Variants in GALNTL6 observed in about 807,000 individuals in gnomAD.
GALNTL6 encodes the protein polypeptide N-acetylgalactosaminyltransferase-like 6.
Under a neutral mutation model 73.7 loss-of-function variants are expected in GALNTL6, and 46 were observed. The observed-to-expected ratio is 0.62, with a 90% CI of 0.49 to 0.80. The LOEUF (loss-of-function observed/expected upper bound fraction) is 0.80, where lower values mean the gene tolerates loss of function less well. Ranked by LOEUF, GALNTL6 falls within the 30% of genes least tolerant of loss-of-function variation. GALNTL6 has a pLI of 0.00. For synonymous variants in GALNTL6, 259 were observed against 263.7 expected, an observed-to-expected ratio of 0.98 and a Z score of 0.17; for missense variants, 604 against 755.0, an observed-to-expected ratio of 0.80 and a Z score of 2.34.
chr4:172,132,606 A>G (rs2071517995), intron 2 of GALNTL6, among the ~76,000 whole-genome samples: 1 of 152,130 alleles, frequency 6.6e-6, no homozygotes, highest in Non-Finnish European at 1.5e-5. Flanking sequence ...CATTACTTAA[A>G]TATATGTTAT....
At chr4:172,896,629 A>G (rs936706342) in intron 8 of GALNTL6, among the ~76,000 whole-genome samples, 1 of 152,108 alleles carries the variant, frequency 6.6e-6, no homozygotes, top group Admixed American at 6.5e-5. Flanking sequence ...AGGATCTGCT[A>G]TGGGCAGGAA....
At chr4:172,071,894 A>G (rs539967313) in intron 2 of GALNTL6, among the ~76,000 whole-genome samples, 1 of 152,294 alleles carries the variant, frequency 6.6e-6, no homozygotes, top group Non-Finnish European at 1.5e-5. Flanking sequence ...ATAGGAATGC[A>G]TATTTGGGCT....
chr4:171,908,759 G>A (rs996117230), intron 2 of GALNTL6, among the ~76,000 whole-genome samples: 10 of 150,894 alleles, frequency 6.6e-5, no homozygotes, highest in Admixed American at 1.3e-4. Context: ...GTCCAACAAC[G>A]ATAGACTGGA....
At chr4:172,120,890 C>T (rs191018481) in intron 2 of GALNTL6, among the ~76,000 whole-genome samples, 9 of 151,680 alleles carry the variant, frequency 5.9e-5, no homozygotes, top group Non-Finnish European at 1.3e-4. Flanking sequence ...GATAGGCAGG[C>T]CTAGTTTGCC....
chr4:172,803,683 G>C (rs1740791520), intron 5 of GALNTL6, among the ~76,000 whole-genome samples: 1 of 152,122 alleles, frequency 6.6e-6, no homozygotes, highest in African/African-American at 2.4e-5. Context: ...AGTTGCAAAA[G>C]GGTGACATTC....
intron 2 of GALNTL6, among the ~76,000 whole-genome samples, chr4:171,913,747 T>A (rs1166546553): frequency 6.6e-6 from 1 of 152,168 alleles, no homozygotes; most frequent in Admixed American, 6.5e-5. Context: ...AGAAATTAGG[T>A]GGTAATGAAA....
intron 5 of GALNTL6, among the ~76,000 whole-genome samples, chr4:172,360,578 G>A (rs568563647): frequency 2.0e-5 from 3 of 152,196 alleles, no homozygotes; most frequent in East Asian, 3.9e-4. Context: ...ATTTAGTAGT[G>A]ACCACAGAAC....
chr4:172,437,801 T>C (rs1731687212), intron 5 of GALNTL6, among the ~76,000 whole-genome samples: 1 of 152,102 alleles, frequency 6.6e-6, no homozygotes, highest in African/African-American at 2.4e-5. Flanking sequence ...CATCTTGTAG[T>C]ACCTCCTTCT....
At chr4:171,918,217 G>A (rs1737682589) in intron 2 of GALNTL6, among the ~76,000 whole-genome samples, 1 of 151,996 alleles carries the variant, frequency 6.6e-6, no homozygotes, top group South Asian at 2.1e-4. Flanking sequence ...AAATATACAT[G>A]AGAATAAAAA....
In GALNTL6 at chr4:172,043,195, G is replaced by T. The variant is rs557010247; in HGVS notation, c.139-186461G>T. Among the ~76,000 whole-genome samples, 3 of 152,164 alleles carry T rather than the reference G, an allele frequency of 2.0e-5. No individual in the cohort carries two copies. The South Asian group carries it at 6.2e-4, about 32-fold the overall frequency. On this transcript the variant is annotated intron_variant, in intron 2 of 12. Transcript: ENST00000506823. ...ACAATCATTTCTTCCTCAGGAGAAT[G>T]CTCTCTGACAAACTCGGCTTTGATT...
chr4:172,158,124 G>T (rs368541490), intron 2 of GALNTL6, among the ~76,000 whole-genome samples: 3 of 152,230 alleles, frequency 2.0e-5, no homozygotes, highest in South Asian at 4.1e-4. Context: ...CAGGTGCATG[G>T]TTCTACTGAG....
At chr4:172,443,917 G>A (rs749072152) in intron 5 of GALNTL6, among the ~76,000 whole-genome samples, 8 of 152,156 alleles carry the variant, frequency 5.3e-5, no homozygotes, top group Admixed American at 2.0e-4. Context: ...AGAACCTTTA[G>A]GATGCTTTGA....
intron 9 of GALNTL6, among the ~76,000 whole-genome samples, chr4:172,944,568 A>G (rs922063737): frequency 1.3e-5 from 2 of 152,238 alleles, no homozygotes; most frequent in Non-Finnish European, 2.9e-5. Flanking sequence ...AAAGTTAGAC[A>G]CATACCTAGA....
At chr4:172,870,570 T>C (rs1037000780) in intron 7 of GALNTL6, among the ~76,000 whole-genome samples, 2 of 152,210 alleles carry the variant, frequency 1.3e-5, no homozygotes, top group African/African-American at 4.8e-5. Context: ...GTCTCTTTTA[T>C]GAGGAATAGT....
intron 2 of GALNTL6, among the ~76,000 whole-genome samples, chr4:171,861,558 T>C (rs1423545792): frequency 1.3e-5 from 2 of 152,096 alleles, no homozygotes; most frequent in Admixed American, 6.6e-5. Flanking sequence ...TGTTTTCCTC[T>C]CTTCCATCAA....
intron 2 of GALNTL6, among the ~76,000 whole-genome samples, chr4:172,177,862 T>TATATGTGTGTGTATATATAC (rs1560955763): frequency 2.8e-5 from 1 of 36,342 alleles, no homozygotes; most frequent in Non-Finnish European, 1.1e-4. Flanking sequence ...TATACACACA[T>TATATGTGTGTGTATATATAC]ACTAAGGCAT....
At chr4:172,252,183 G>T (rs551804318) in intron 3 of GALNTL6, among the ~76,000 whole-genome samples, 1 of 152,130 alleles carries the variant, frequency 6.6e-6, no homozygotes, top group South Asian at 2.1e-4. Flanking sequence ...TCAGTCCAAA[G>T]GTTGAAAGCA....
At chr4:172,010,599 A>AAT (rs1553983857) in intron 2 of GALNTL6, among the ~76,000 whole-genome samples, 2 of 151,590 alleles carry the variant, frequency 1.3e-5, no homozygotes, top group Non-Finnish European at 2.9e-5. Flanking sequence ...AAAATTTGGA[A>AAT]TTTTTTTTAA....
chr4:172,168,888 T>C (rs1229126323), intron 2 of GALNTL6, among the ~76,000 whole-genome samples: 1 of 152,178 alleles, frequency 6.6e-6, no homozygotes, highest in Non-Finnish European at 1.5e-5. Context: ...ACTACACTTT[T>C]GTACTAAGGA....
Sources: allele counts gnomAD v4.1 joint callset (sites outside exome capture counted in the v4.1 genomes callset), GRCh38; gene constraint gnomAD v4.1.1; transcripts MANE v1.5; gene names NCBI Gene and HGNC (gene_info 2026-07-23, HGNC 2026-07-21).